AREG: variants seen among roughly 807,000 people sequenced by gnomAD.
AREG encodes the protein amphiregulin B.
AREG carries 16 observed loss-of-function variants against 28.0 expected under a neutral mutation model. That is an observed-to-expected ratio of 0.57 (90% CI 0.39 to 0.87). AREG has a LOEUF of 0.87. Ranked by LOEUF, AREG falls within the 40% of genes least tolerant of loss-of-function variation. The probability of loss-of-function intolerance (pLI) is 0.00; values close to 1 mark genes in which losing one functional copy is unlikely to be tolerated. For missense variants in AREG, 287 were observed against 309.1 expected (o/e 0.93, Z 0.53); for synonymous variants, 113 against 113.5 (o/e 1.00, Z 0.02).
chr4:74,446,017 T>C (rs1215573866), intron 1 of AREG, among the ~76,000 whole-genome samples: 1 of 152,212 alleles, frequency 6.6e-6, no homozygotes, highest in Non-Finnish European at 1.5e-5. Context: ...TTATATTATT[T>C]TAAAAGATTA....
chr4:74,446,116 A>G (rs1719282128), intron 1 of AREG, among the ~76,000 whole-genome samples: 1 of 152,248 alleles, frequency 6.6e-6, no homozygotes, highest in African/African-American at 2.4e-5. Flanking sequence ...ATATGAACAC[A>G]TCTGAAGAAA....
In AREG at chr4:74,445,350, G is replaced by C. The variant is rs767771376; in HGVS notation, c.5G>C (p.Arg2Thr). The C allele has an allele frequency of 1.2e-6, 2 of 1,610,416 alleles. No individual in the cohort carries two copies. The highest frequency in any genetic ancestry group is 1.7e-5 in the Admixed American group (1 of 59,868). M[R>T]APLLPPAPVV... ...CGCCGCCGCTGCGAAGGACCAATGA[G>C]AGCCCCGCTGCTACCGCCGGCGCCG... The change falls in exon 1 of 6, where the codon AGA (arginine) becomes ACA (threonine). Residue 2 changes from arginine (R) to threonine (T), a missense_variant. Arg to Thr is a moderately conservative substitution (Grantham distance 71). Coordinates refer to ENST00000395748, the MANE Select transcript of AREG (RefSeq NM_001657.4).
rs1380146232 is a variant in AREG at position 74,454,916 on chromosome 4, T to C, written c.*176T>C. 1.5e-6 allele frequency: 1 copy of C among 664,812 alleles called. No homozygotes were observed. The highest frequency in any genetic ancestry group is 2.7e-6 in the Non-Finnish European group (1 of 370,624). The allele number at this position is 664,812 out of a possible 1,614,324, so 41.2% of individuals were successfully genotyped here. The stretch of plus-strand genomic sequence containing the variant: ...TTCTGTATATAAAGGTGCACGAAGG[T>C]AAAAAGTATTTTTTCAAGTTGTAAA... On this transcript the variant is annotated 3_prime_UTR_variant, in exon 6 of 6. Transcript: ENST00000395748.
chr4:74,446,451 A>G lies in AREG; in HGVS notation c.62-83A>G, dbSNP rs1225129011. ...GCAATAACTGCTTTGATGTCAAAAG[A>G]TAAACTTTTCTACCTAACACAGCTG... On this transcript the variant is annotated intron_variant, in intron 1 of 5. Transcript: ENST00000395748. The G allele has an allele frequency of 8.1e-6, 13 of 1,610,546 alleles. No homozygotes were observed. The Admixed American group carries it at 1.3e-4, about 17-fold the overall frequency.
At chr4:74,450,590 G>A in intron 4 of AREG, 58 bp downstream of exon 4, 1 of 1,601,218 alleles carries the variant, frequency 6.2e-7, no homozygotes, top group Admixed American at 1.7e-5. Context: ...AATTTTTTCA[G>A]TATTTCTCTC....
In AREG at chr4:74,445,293, T is replaced by G; in HGVS notation, c.-53T>G. On this transcript the variant is annotated 5_prime_UTR_variant, in exon 1 of 6. Coordinates refer to ENST00000395748, the MANE Select transcript of AREG (RefSeq NM_001657.4). ...CCGCTCGTTTTGGCGGCAGCTCGTG[T>G]CCCAGAGACCGAGTTGCCCCAGAGA... The G allele has an allele frequency of 1.9e-6, 3 of 1,591,716 alleles. No homozygotes were observed. Among genetic ancestry groups the G allele is most frequent in the Non-Finnish European group, 2.6e-6 (3 of 1,171,274 alleles).
chr4:74,447,327 C>T (rs2110411070), intron 2 of AREG, among the ~76,000 whole-genome samples: 1 of 152,240 alleles, frequency 6.6e-6, no homozygotes, highest in East Asian at 1.9e-4. Context: ...GGACAGGAGG[C>T]ATTAGACTTT....
intron 1 of AREG, 145 bp downstream of exon 1, chr4:74,445,551 A>T: frequency 6.8e-7 from 1 of 1,460,696 alleles, no homozygotes; most frequent in South Asian, 1.4e-5. Flanking sequence ...CTCCCTCCCT[A>T]GGAGGAAAAG....
chr4:74,449,675 A>T (rs2110411954), intron 3 of AREG, among the ~76,000 whole-genome samples: 1 of 152,276 alleles, frequency 6.6e-6, no homozygotes, highest in African/African-American at 2.4e-5. Flanking sequence ...TAATTGCTTG[A>T]GCTCAGGAGG....
In AREG at chr4:74,446,482, A is replaced by G. The variant is rs985917904; in HGVS notation, c.62-52A>G. 4.3e-5 allele frequency: 70 copies of G among 1,613,838 alleles called. No individual in the cohort carries two copies. The African/African-American group carries it at 4.4e-4, about 10-fold the overall frequency. The stretch of plus-strand genomic sequence containing the variant: ...TTTTCTACCTAACACAGCTGACTCG[A>G]AAGGCACCCTACTTTACCTTTTCTT... On this transcript the variant is annotated intron_variant, in intron 1 of 5. Coordinates refer to ENST00000395748, the MANE Select transcript of AREG (RefSeq NM_001657.4).
In AREG at chr4:74,449,364, G is replaced by A. The variant is rs1205149089; in HGVS notation, c.512+116G>A. On this transcript the variant is annotated intron_variant, in intron 3 of 5. Transcript: ENST00000395748. ...TAAACCAAGGGTCAGTAAACTTTTTGTTAAAGCACCAGATAGTAAATATTA... is the reference window on the plus strand; with the variant it reads ...TAAACCAAGGGTCAGTAAACTTTTTATTAAAGCACCAGATAGTAAATATTA... 2.6e-6 allele frequency: 4 copies of A among 1,537,924 alleles called. No individual in the cohort carries two copies. In the African/African-American group the frequency reaches 5.5e-5, roughly 21 times the overall value.
chr4:74,446,527 C>A lies in AREG; in HGVS notation c.62-7C>A, dbSNP rs756247595. On this transcript the variant is annotated splice_polypyrimidine_tract_variant and splice_region_variant and intron_variant, in intron 1 of 5. Coordinates refer to ENST00000395748, the MANE Select transcript of AREG (RefSeq NM_001657.4). ...TTTCTTTTCTTCCTTTATTCCCTCC[C>A]CTGCAGGCCATTATGCTGCTGGATT... 7.4e-6 allele frequency: 12 copies of A among 1,613,848 alleles called. No homozygotes were observed. Among genetic ancestry groups the A allele is most frequent in the South Asian group, 2.2e-5 (2 of 91,084 alleles).
intron 1 of AREG, 73 bp downstream of exon 1, chr4:74,445,479 G>T: frequency 1.3e-6 from 2 of 1,555,710 alleles, no homozygotes; most frequent in South Asian, 1.2e-5. Context: ...TTTGGCTCTT[G>T]CTTCTCTAAA....
Position 74,445,321 on chromosome 4 carries a change from G to T in AREG, c.-25G>T. On this transcript the variant is annotated 5_prime_UTR_variant, in exon 1 of 6. Transcript: ENST00000395748. The stretch of plus-strand genomic sequence containing the variant: ...CAGAGACCGAGTTGCCCCAGAGACC[G>T]AGACGCCGCCGCTGCGAAGGACCAA... 6.2e-7 allele frequency: 1 copy of T among 1,606,190 alleles called. No individual in the cohort carries two copies. The highest frequency in any genetic ancestry group is 8.5e-7 in the Non-Finnish European group (1 of 1,177,982).
At chr4:74,445,481 T>A in intron 1 of AREG, 75 bp downstream of exon 1, 2 of 1,554,656 alleles carry the variant, frequency 1.3e-6, no homozygotes, top group African/African-American at 2.7e-5. Context: ...TGGCTCTTGC[T>A]TCTCTAAAAA....
chr4:74,451,919 T>G (rs1177704294), intron 4 of AREG, among the ~76,000 whole-genome samples: 4 of 152,144 alleles, frequency 2.6e-5, no homozygotes, highest in East Asian at 3.9e-4. Context: ...GCTGGGTTTG[T>G]TTTCATAATT....
Position 74,446,778 on chromosome 4 carries a change from C to T in AREG, c.306C>T (p.Val102=). 6.2e-7 allele frequency: 1 copy of T among 1,613,856 alleles called. No homozygotes were observed. Among genetic ancestry groups the T allele is most frequent in the Admixed American group, 1.7e-5 (1 of 60,002 alleles). ...QIPGYIVDDS[V]RVEQVVKPPQ... ...CTGGCTATATTGTCGATGATTCAGTCAGAGGTGAGTAGGGGATAAAGCAAA... is the reference window on the plus strand; with the variant it reads ...CTGGCTATATTGTCGATGATTCAGTTAGAGGTGAGTAGGGGATAAAGCAAA... Residue 102 remains valine (V), a synonymous_variant, in exon 2 of 6, where the codon GTC becomes GTT. Coordinates refer to ENST00000395748, the MANE Select transcript of AREG (RefSeq NM_001657.4).
At chr4:74,450,281 T>A in intron 3 of AREG, 99 bp from the exon 4 acceptor site, 4 of 1,593,898 alleles carry the variant, frequency 2.5e-6, no homozygotes, top group Admixed American at 1.7e-5. Context: ...ATAACTTTTT[T>A]AATGTTGGAA....
At chr4:74,449,394 C>T (rs1719344686) in intron 3 of AREG, 146 bp downstream of exon 3, 2 of 1,401,900 alleles carry the variant, frequency 1.4e-6, no homozygotes, top group Non-Finnish European at 9.6e-7. Flanking sequence ...ATATTATAGG[C>T]TTAGTGGGCC....
Sources: allele counts gnomAD v4.1 joint callset (sites outside exome capture counted in the v4.1 genomes callset), GRCh38; gene constraint gnomAD v4.1.1; transcripts MANE v1.5; gene names NCBI Gene and HGNC (gene_info 2026-07-23, HGNC 2026-07-21).